Variants in TENM4 observed in about 807,000 individuals in gnomAD.
TENM4 encodes teneurin-4.
In TENM4, 82 loss-of-function variants were observed where a neutral mutation model predicts 243.3. The ratio of observed to expected loss-of-function variants is 0.34; its 90% confidence interval spans 0.28 to 0.40. The LOEUF is 0.40. Among genes scored for constraint, TENM4 ranks in the 10% least tolerant of loss-of-function variants. The pLI is 1.00. For synonymous variants in TENM4, 1,412 were observed against 1,456.3 expected, an observed-to-expected ratio of 0.97 and a Z score of 0.69; for missense variants, 3,138 against 3,673.3, an observed-to-expected ratio of 0.85 and a Z score of 3.77.
At chr11:79,216,973 G>C (rs568208326) in intron 2 of TENM4, among the ~76,000 whole-genome samples, 24 of 152,198 alleles carry the variant, frequency 1.6e-4, no homozygotes, top group African/African-American at 5.8e-4. Context: ...CCCAGCTGCT[G>C]ATTGCAACCT....
chr11:78,805,059 T>A (rs1857359117), intron 15 of TENM4, among the ~76,000 whole-genome samples: 1 of 152,126 alleles, frequency 6.6e-6, no homozygotes, highest in African/African-American at 2.4e-5. Flanking sequence ...TAAGGGGTAG[T>A]TTTGAATCTC....
chr11:79,239,036 C>CAAAA (rs1424356985), intron 2 of TENM4, among the ~76,000 whole-genome samples: 2 of 151,942 alleles, frequency 1.3e-5, no homozygotes, highest in Non-Finnish European at 2.9e-5. Context: ...AACAAACAAA[C>CAAAA]AAACAAACAC....
chr11:78,903,560 T>G (rs1207685120), intron 6 of TENM4, 37 bp from the exon 7 acceptor site: 1 of 1,541,214 alleles, frequency 6.5e-7, no homozygotes, highest in South Asian at 1.2e-5. Flanking sequence ...GCGGTGAGCT[T>G]GGTGCTGCCC....
At chr11:78,889,192 G>A (rs777178830) in intron 9 of TENM4, among the ~76,000 whole-genome samples, 1 of 152,210 alleles carries the variant, frequency 6.6e-6, no homozygotes, top group Non-Finnish European at 1.5e-5. Flanking sequence ...TCTGCTCTCT[G>A]TGCTGGCTGG....
chr11:78,959,136 G>C (rs548049305), intron 6 of TENM4, among the ~76,000 whole-genome samples: 1 of 152,064 alleles, frequency 6.6e-6, no homozygotes, highest in South Asian at 2.1e-4. Context: ...CTTGCTCATT[G>C]GTTCATTCAC....
At chr11:78,987,170 T>G (rs567795798) in intron 6 of TENM4, among the ~76,000 whole-genome samples, 1 of 152,332 alleles carries the variant, frequency 6.6e-6, no homozygotes, top group South Asian at 2.1e-4. Flanking sequence ...GTCTACTTGG[T>G]GGTGCTGATG....
chr11:78,984,459 G>A (rs567769660), intron 6 of TENM4, among the ~76,000 whole-genome samples: 27 of 152,276 alleles, frequency 1.8e-4, no homozygotes, highest in Non-Finnish European at 2.8e-4. Context: ...TCCCACTGGT[G>A]AACTAAACTT....
intron 4 of TENM4, among the ~76,000 whole-genome samples, chr11:79,141,038 A>G (rs2135029649): frequency 6.6e-6 from 1 of 152,196 alleles, no homozygotes; most frequent in East Asian, 1.9e-4. Context: ...GGAGCCTATT[A>G]ATGTGAATAT....
At chr11:78,757,213 T>C (rs537193348) in intron 18 of TENM4, among the ~76,000 whole-genome samples, 192 bp from the exon 19 acceptor site, 2 of 152,380 alleles carry the variant, frequency 1.3e-5, no homozygotes, top group African/African-American at 4.8e-5. Context: ...CTCACTAGTC[T>C]AGAAGGAGAG....
chr11:79,210,567 G>T (rs183010680), intron 3 of TENM4, among the ~76,000 whole-genome samples: 81 of 152,300 alleles, frequency 5.3e-4, no homozygotes, highest in African/African-American at 1.9e-3. Flanking sequence ...GCGGTCATGG[G>T]CCTTGAAAGA....
intron 23 of TENM4, among the ~76,000 whole-genome samples, 182 bp from the exon 24 acceptor site, chr11:78,723,099 T>G (rs1349812535): frequency 6.6e-6 from 1 of 152,230 alleles, no homozygotes; most frequent in Non-Finnish European, 1.5e-5. Flanking sequence ...AAACAAGTCA[T>G]ACAGATTTAA....
chr11:79,039,238 T>C (rs1212020590), intron 6 of TENM4, among the ~76,000 whole-genome samples: 1 of 152,210 alleles, frequency 6.6e-6, no homozygotes, highest in Non-Finnish European at 1.5e-5. Context: ...ATTTGCAGCA[T>C]CTGTGCCTGG....
intron 26 of TENM4, among the ~76,000 whole-genome samples, chr11:78,709,683 C>A (rs1225132650): frequency 1.3e-5 from 2 of 152,146 alleles, no homozygotes; most frequent in Admixed American, 1.3e-4. Flanking sequence ...TTGACAAGCA[C>A]CTTGGGTGAT....
At chr11:78,830,368 G>C (rs1208443570) in intron 12 of TENM4, among the ~76,000 whole-genome samples, 1 of 152,178 alleles carries the variant, frequency 6.6e-6, no homozygotes, top group African/African-American at 2.4e-5. Flanking sequence ...CCAAGGTAGA[G>C]GGTGCACAAA....
intron 6 of TENM4, among the ~76,000 whole-genome samples, chr11:78,920,818 T>C (rs1856431465): frequency 6.6e-6 from 1 of 152,200 alleles, no homozygotes; most frequent in Non-Finnish European, 1.5e-5. Context: ...GAAAAATGTA[T>C]TTGAGTCTGT....
chr11:79,194,878 C>A (rs1590785105), intron 3 of TENM4, among the ~76,000 whole-genome samples: 1 of 152,200 alleles, frequency 6.6e-6, no homozygotes, highest in South Asian at 2.1e-4. Context: ...TATCTCCAGG[C>A]CATGTCAGAG....
In TENM4 at chr11:78,692,275, G is replaced by A. The variant is rs560569530; in HGVS notation, c.5088-4049C>T. Among the ~76,000 whole-genome samples the A allele has an allele frequency of 9.9e-5, 15 of 152,242 alleles. No homozygotes were observed. In the South Asian group the frequency reaches 2.7e-3, roughly 27 times the overall value. ...AAGGTCTCTGGAGCCAGATAGTCTA[G>A]GCTTTGCATCCTGGCTCTACACTTG... On this transcript the variant is annotated intron_variant, in intron 28 of 33. Transcript: ENST00000278550.
chr11:79,324,812 A>G (rs1030006672), intron 1 of TENM4, among the ~76,000 whole-genome samples: 5 of 152,190 alleles, frequency 3.3e-5, no homozygotes, highest in Admixed American at 1.3e-4. Context: ...ATCTCCATCA[A>G]GGGTTCATAG....
In TENM4 at chr11:78,670,315, C is replaced by A; in HGVS notation, c.6030G>T (p.Val2010=). 6.2e-7 allele frequency: 1 copy of A among 1,613,914 alleles called. No homozygotes were observed. The highest frequency in any genetic ancestry group is 8.5e-7 in the Non-Finnish European group (1 of 1,179,856). ...HTFYLGTGRR[V]IYKYGKLSKL... ...TTGACAGTTTGCCATACTTGTATATCACCCTGCGGCCAGTGCCCAGGTAGA... is the reference window on the plus strand; with the variant it reads ...TTGACAGTTTGCCATACTTGTATATAACCCTGCGGCCAGTGCCCAGGTAGA... The change falls in exon 32 of 34, where the codon GTG becomes GTT. Residue 2010 remains valine, a synonymous_variant. Transcript: ENST00000278550.
Sources: allele counts gnomAD v4.1 joint callset (sites outside exome capture counted in the v4.1 genomes callset), GRCh38; gene constraint gnomAD v4.1.1; transcripts MANE v1.5; gene names NCBI Gene and HGNC (gene_info 2026-07-23, HGNC 2026-07-21).